AR: variants seen among roughly 807,000 people sequenced by gnomAD.
AR encodes dihydrotestosterone receptor.
AR carries 8 observed loss-of-function variants against 53.9 expected under a neutral mutation model. That is an observed-to-expected ratio of 0.15 (90% CI 0.09 to 0.27). The LOEUF (loss-of-function observed/expected upper bound fraction) is 0.27, where lower values mean the gene tolerates loss of function less well. Among genes scored for constraint, AR ranks in the 10% least tolerant of loss-of-function variants. The pLI is 1.00. For missense variants in AR, 639 were observed against 742.5 expected (o/e 0.86, Z 1.62); for synonymous variants, 359 against 316.4 (o/e 1.13, Z -1.43).
At chrX:67,562,610 A>G (rs1921381583) in intron 1 of AR, among the ~76,000 whole-genome samples, 1 of 109,812 alleles carries the variant, frequency 9.1e-6, no homozygotes, top group Admixed American at 9.8e-5. Context: ...TACCTGCTTG[A>G]CTCTTCTAGT....
chrX:67,629,523 T>C (rs1924932411), intron 1 of AR, among the ~76,000 whole-genome samples: 1 of 108,669 alleles, frequency 9.2e-6, no homozygotes, highest in Non-Finnish European at 1.9e-5. Flanking sequence ...TTGATTCTTC[T>C]CTCTTTTTTT....
chrX:67,669,955 T>G (rs1341177972), intron 2 of AR, among the ~76,000 whole-genome samples: 2 of 106,647 alleles, frequency 1.9e-5, no homozygotes, highest in African/African-American at 6.7e-5. Flanking sequence ...TGAAATATGT[T>G]TCTTGTAAAT....
intron 3 of AR, among the ~76,000 whole-genome samples, chrX:67,693,077 CTG>C (rs2076003297): frequency 8.9e-6 from 1 of 112,883 alleles, no homozygotes; most frequent in Non-Finnish European, 1.9e-5. Context: ...ATGTTGTACT[CTG>C]TCTCTGAGCA....
At chrX:67,610,558 G>T (rs984922340) in intron 1 of AR, among the ~76,000 whole-genome samples, 4 of 110,830 alleles carry the variant, frequency 3.6e-5, no homozygotes, top group African/African-American at 1.3e-4. Flanking sequence ...TATATATATT[G>T]TTAGATATAT....
At chrX:67,658,756 C>T (rs140215922) in intron 2 of AR, among the ~76,000 whole-genome samples, 2 of 111,965 alleles carry the variant, frequency 1.8e-5, no homozygotes, top group East Asian at 2.8e-4. Context: ...TAGAAAACCA[C>T]GAGGGGTTTG....
chrX:67,720,823 A>C (rs1395163298), intron 5 of AR, among the ~76,000 whole-genome samples: 1 of 109,271 alleles, frequency 9.2e-6, no homozygotes, highest in Non-Finnish European at 1.9e-5. Context: ...TCACCACTTA[A>C]GTGGGTGTCA....
At position 67,545,301 on chromosome X, in the gene AR, C is replaced by G. The variant is rs1303424066; in HGVS notation, c.155C>G (p.Ala52Gly). Residue 52 changes from alanine to glycine, a missense_variant, in exon 1 of 8, where the codon GCC becomes GGC. Physicochemically the swap from Ala to Gly is moderately conservative, Grantham distance 60. Around this residue, in one of 5 missense-constraint regions of AR, gnomAD observed 55 missense variants for 84.8 expected, o/e 0.65. Transcript: ENST00000374690. ...PEAASAAPPG[A>G]SLLLLQQQQQ... Reference sequence around the variant, plus strand: ...GCCGCGAGCGCAGCACCTCCCGGCGCCAGTTTGCTGCTGCTGCAGCAGCAG... The same window carrying G: ...GCCGCGAGCGCAGCACCTCCCGGCGGCAGTTTGCTGCTGCTGCAGCAGCAG... The G allele has an allele frequency of 8.5e-7, 1 of 1,173,561 alleles. No individual in the cohort carries two copies. The highest frequency in any genetic ancestry group is 1.1e-6 in the Non-Finnish European group (1 of 878,236).
chrX:67,714,033 A>C (rs2147527417), intron 4 of AR, among the ~76,000 whole-genome samples: 1 of 112,326 alleles, frequency 8.9e-6, no homozygotes, highest in Admixed American at 9.5e-5. Context: ...TAATAAGATA[A>C]ATTTTGTTTT....
intron 2 of AR, among the ~76,000 whole-genome samples, chrX:67,670,344 A>G (rs984271750): frequency 1.2e-4 from 12 of 97,011 alleles, no homozygotes; most frequent in Admixed American, 2.3e-4. Flanking sequence ...AAAAATAATA[A>G]TTGTTCTTAT....
At position 67,728,020 on chromosome X, in the gene AR, A is replaced by G. The variant is rs1460603150; in HGVS notation, c.*4179A>G. The G allele has an allele frequency of 5.8e-6, 1 of 173,046 alleles. No individual in the cohort carries two copies. The highest frequency in any genetic ancestry group is 1.1e-5 in the Non-Finnish European group (1 of 90,895). The allele number at this position is 173,046 out of a possible 1,213,427, so 14.3% of individuals were successfully genotyped here. On this transcript the variant is annotated 3_prime_UTR_variant, in exon 8 of 8. Transcript: ENST00000374690. ...AAAGCAGTTTTTAAAAAGAGAGATG[A>G]AAGCATCACATTATATAACCAAAGA... is the stretch of plus-strand genomic sequence containing the variant.
At position 67,674,159 on chromosome X, in the gene AR, GTCTCTCTCTCTCTCTCTCTT is replaced by G. The variant is rs968332165; in HGVS notation, c.1769-11834_1769-11815del. Among the ~76,000 whole-genome samples the G allele has an allele frequency of 8.5e-5, 9 of 106,397 alleles. No individual in the cohort carries two copies. The South Asian group carries it at 1.7e-3, about 20-fold the overall frequency. The allele number at this position is 106,397 out of a possible 115,157, so 92.4% of individuals were successfully genotyped here. ...TCTCACTTTCCCCCAAACAAATAGA[GTCTCTCTCTCTCTCTCTCTT>G]TCTCTCTCTCTCTCTCCCTCTCATT... On this transcript the variant is annotated intron_variant, in intron 2 of 7. Transcript: ENST00000374690.
intron 2 of AR, among the ~76,000 whole-genome samples, chrX:67,657,540 TC>T (rs759721871): frequency 8.9e-6 from 1 of 112,010 alleles, no homozygotes; most frequent in South Asian, 3.8e-4. Context: ...AGAGGAAGAC[TC>T]ACTTGGCTGA....
intron 1 of AR, among the ~76,000 whole-genome samples, chrX:67,568,494 G>A (rs1412213504): frequency 9.0e-6 from 1 of 111,290 alleles, no homozygotes; most frequent in African/African-American, 3.3e-5. Flanking sequence ...TAGCTAGGGT[G>A]TTCTTTGATC....
intron 1 of AR, among the ~76,000 whole-genome samples, chrX:67,611,550 T>C (rs1333702178): frequency 8.9e-6 from 1 of 111,892 alleles, no homozygotes; most frequent in Non-Finnish European, 1.9e-5. Context: ...TTCATCAGTC[T>C]AAAATTATGT....
At chrX:67,644,312 T>C (rs1849892780) in intron 2 of AR, among the ~76,000 whole-genome samples, 1 of 111,631 alleles carries the variant, frequency 9.0e-6, no homozygotes, top group Admixed American at 9.5e-5. Context: ...TAGAGAGAGA[T>C]GCTGTGCTCT....
intron 1 of AR, among the ~76,000 whole-genome samples, chrX:67,602,186 T>C (rs953174626): frequency 7.1e-5 from 8 of 112,376 alleles, no homozygotes; most frequent in African/African-American, 2.6e-4. Context: ...TTCAGAATAA[T>C]AAACTAAGCT....
At chrX:67,672,264 C>T (rs1300023175) in intron 2 of AR, among the ~76,000 whole-genome samples, 3 of 111,106 alleles carry the variant, frequency 2.7e-5, no homozygotes, top group African/African-American at 9.8e-5. Context: ...TGGCCTCCAG[C>T]TCCATCCAGG....
intron 1 of AR, among the ~76,000 whole-genome samples, chrX:67,582,037 T>G (rs1922321856): frequency 8.9e-6 from 1 of 111,790 alleles, no homozygotes; most frequent in African/African-American, 3.2e-5. Flanking sequence ...AACATAAAAA[T>G]GCATTTCTAA....
At chrX:67,721,105 A>G (rs1207455789) in intron 5 of AR, among the ~76,000 whole-genome samples, 1 of 111,384 alleles carries the variant, frequency 9.0e-6, no homozygotes, top group East Asian at 2.8e-4. Context: ...AATAAATGCA[A>G]CTCACATATG....
Sources: allele counts gnomAD v4.1 joint callset (sites outside exome capture counted in the v4.1 genomes callset), GRCh38; gene constraint gnomAD v4.1.1; regional missense constraint gnomAD v4.1.1; transcripts MANE v1.5; gene names NCBI Gene and HGNC (gene_info 2026-07-23, HGNC 2026-07-21).